Variants in PCDHA9 observed in about 807,000 individuals in gnomAD.
PCDHA9 encodes protocadherin alpha 9.
In PCDHA9, 62 loss-of-function variants were observed where a neutral mutation model predicts 62.0. The ratio of observed to expected loss-of-function variants is 1.00; its 90% CI spans 0.81 to 1.23. The LOEUF (loss-of-function observed/expected upper bound fraction) is 1.23. Among genes scored for constraint, PCDHA9 ranks in the 50% most tolerant of loss-of-function variants. The pLI is 0.00. For synonymous variants in PCDHA9, 557 were observed against 567.6 expected, an observed-to-expected ratio of 0.98 and a Z score of 0.27; for missense variants, 1,205 against 1,249.8, an observed-to-expected ratio of 0.96 and a Z score of 0.54.
chr5:140,883,625 C>G (rs1446947181), intron 1 of PCDHA9: 9 of 1,613,872 alleles, frequency 5.6e-6, no homozygotes, highest in Non-Finnish European at 6.8e-6. Context: ...CGACAACGCG[C>G]CGGCGTTCGC....
intron 1 of PCDHA9, chr5:140,882,573 G>A (rs2059201802): frequency 2.5e-6 from 4 of 1,614,234 alleles, no homozygotes; most frequent in Non-Finnish European, 3.4e-6. Flanking sequence ...AGCGCGGAGT[G>A]CAGCATCCAC....
At chr5:140,971,892 G>T in intron 1 of PCDHA9, among the ~76,000 whole-genome samples, 1 of 151,812 alleles carries the variant, frequency 6.6e-6, no homozygotes, top group African/African-American at 2.4e-5. Context: ...AGCTCAGGGA[G>T]GTTAGGTAAT....
chr5:141,002,019 T>G (rs1420727822), intron 3 of PCDHA9, among the ~76,000 whole-genome samples: 4 of 152,176 alleles, frequency 2.6e-5, no homozygotes, highest in Admixed American at 6.5e-5. Flanking sequence ...CTGCACAGCC[T>G]TCGGTGCCCT....
At chr5:140,964,941 G>A (rs1223587543) in intron 1 of PCDHA9, among the ~76,000 whole-genome samples, 1 of 152,242 alleles carries the variant, frequency 6.6e-6, no homozygotes, top group African/African-American at 2.4e-5. Context: ...AGCATTGATA[G>A]TGAGTGTGCT....
At chr5:140,959,567 T>A (rs2095496193) in intron 1 of PCDHA9, among the ~76,000 whole-genome samples, 1 of 152,208 alleles carries the variant, frequency 6.6e-6, no homozygotes, top group Non-Finnish European at 1.5e-5. Context: ...AGTACTAGAT[T>A]TTTTGTTTCA....
intron 1 of PCDHA9, among the ~76,000 whole-genome samples, chr5:140,891,171 A>T (rs1221936185): frequency 1.3e-5 from 2 of 151,478 alleles, no homozygotes; most frequent in African/African-American, 4.9e-5. Flanking sequence ...TGCTTTTCAG[A>T]TTTTCTGTGT....
intron 1 of PCDHA9, chr5:140,884,515 G>T: frequency 6.2e-6 from 10 of 1,614,176 alleles, no homozygotes; most frequent in South Asian, 1.1e-5. Context: ...GGAGTTGGTC[G>T]TACTCGCAGC....
At chr5:140,969,457 T>C (rs1554231852) in intron 1 of PCDHA9, 1 of 1,505,602 alleles carries the variant, frequency 6.6e-7, no homozygotes, top group Admixed American at 2.2e-5. Context: ...TGAGTATATA[T>C]AGTATCCACA....
chr5:140,995,102 C>A (rs976806158), intron 3 of PCDHA9, among the ~76,000 whole-genome samples: 3 of 152,312 alleles, frequency 2.0e-5, no homozygotes, highest in Middle Eastern at 6.8e-3. Context: ...GAGATACATT[C>A]CAAGACCCTC....
At chr5:140,888,309 C>T (rs1175163005) in intron 1 of PCDHA9, among the ~76,000 whole-genome samples, 1 of 152,138 alleles carries the variant, frequency 6.6e-6, no homozygotes, top group Admixed American at 6.5e-5. Context: ...GATAATTTGG[C>T]AATGCCTGGA....
intron 1 of PCDHA9, chr5:140,851,477 T>A: frequency 1.1e-6 from 1 of 890,896 alleles, no homozygotes; most frequent in Non-Finnish European, 1.4e-6. Flanking sequence ...ATAAATGTTA[T>A]AAACACAGCC....
chr5:140,858,135 T>G lies in PCDHA9; in HGVS notation c.2394+7246T>G, dbSNP rs1215623176. 3 of 1,597,334 alleles carry G rather than the reference T, an allele frequency of 1.9e-6. No homozygotes were observed. The African/African-American group carries it at 4.0e-5, about 21-fold the overall frequency. ...GAGGTGGCCCTGGTGGATGTCAACG[T>G]GTACCTGATCATCGCCATCTGCGCG... is the stretch of plus-strand genomic sequence containing the variant. On this transcript the variant is annotated intron_variant, in intron 1 of 3. Transcript: ENST00000532602.
intron 1 of PCDHA9, among the ~76,000 whole-genome samples, chr5:140,873,282 T>C (rs961755772): frequency 2.6e-4 from 39 of 152,330 alleles, no homozygotes; most frequent in African/African-American, 8.7e-4. Context: ...TCATACCACT[T>C]ATGAAACTTT....
intron 3 of PCDHA9, among the ~76,000 whole-genome samples, chr5:140,997,807 G>A (rs557351308): frequency 4.5e-4 from 68 of 152,118 alleles, no homozygotes; most frequent in African/African-American, 1.5e-3. Context: ...CCAATTTGCT[G>A]TTGGTATCTA....
In PCDHA9 at chr5:141,009,724, T is replaced by A. The variant is rs1554262325; in HGVS notation, c.2640T>A (p.Gly880=). The change falls in exon 4 of 4, where the codon GGT becomes GGA. Residue 880 remains glycine (G), a synonymous_variant. Transcript: ENST00000532602. ...KYGPGNPKQS[G]PGELPDKFII... is the part of the protein sequence containing the mutation. ...GACCAGGCAACCCCAAACAATCCGG[T>A]CCCGGTGAGTTGCCCGACAAATTCA... 6.2e-7 allele frequency: 1 copy of A among 1,614,116 alleles called. No individual in the cohort carries two copies. The highest frequency in any genetic ancestry group is 2.2e-5 in the East Asian group (1 of 44,868).
intron 1 of PCDHA9, chr5:140,862,613 A>G (rs1247840424): frequency 7.6e-6 from 4 of 522,928 alleles, no homozygotes; most frequent in Non-Finnish European, 1.6e-5. Flanking sequence ...GTGAAAGGTA[A>G]CAACCCGCGG....
intron 1 of PCDHA9, chr5:140,967,572 A>G: frequency 6.2e-7 from 1 of 1,613,544 alleles, no homozygotes; most frequent in Non-Finnish European, 8.5e-7. Flanking sequence ...CTACGGGAGG[A>G]CTCACCCCCA....
chr5:140,991,075 G>A (rs2097430816), intron 3 of PCDHA9, among the ~76,000 whole-genome samples: 1 of 152,134 alleles, frequency 6.6e-6, no homozygotes, highest in Non-Finnish European at 1.5e-5. Flanking sequence ...CCATGTTTCA[G>A]ATAAAAAAAT....
chr5:140,882,577 C>G, intron 1 of PCDHA9: 3 of 1,614,238 alleles, frequency 1.9e-6, no homozygotes, highest in Non-Finnish European at 2.5e-6. Flanking sequence ...CGGAGTGCAG[C>G]ATCCACCTGG....
Sources: allele counts gnomAD v4.1 joint callset (sites outside exome capture counted in the v4.1 genomes callset), GRCh38; gene constraint gnomAD v4.1.1; transcripts MANE v1.5; gene names NCBI Gene and HGNC (gene_info 2026-07-23, HGNC 2026-07-21).